The following CENPP variants were observed in gnomAD, a reference collection of about 807,000 sequenced individuals.
The protein encoded by CENPP is centromere protein P.
Under a neutral mutation model 35.6 loss-of-function variants are expected in CENPP, and 24 were observed. That is an observed-to-expected ratio of 0.67 (90% CI 0.49 to 0.95). The LOEUF is 0.95. Ranked by LOEUF, CENPP falls within the 40% of genes least tolerant of loss-of-function variation. The probability of loss-of-function intolerance (pLI) is 0.00; values close to 1 mark genes in which losing one functional copy is unlikely to be tolerated. For synonymous variants in CENPP, 120 were observed against 125.5 expected (o/e 0.96, Z 0.29); for missense variants, 332 against 345.3 (o/e 0.96, Z 0.31).
intron 4 of CENPP, among the ~76,000 whole-genome samples, chr9:92,357,494 T>A (rs146668722): frequency 1.0e-5 from 1 of 99,260 alleles, no homozygotes; most frequent in South Asian, 3.5e-4. Flanking sequence ...TTATTATTAT[T>A]ATTATTATTA....
At chr9:92,471,201 T>C (rs551335108) in intron 5 of CENPP, among the ~76,000 whole-genome samples, 7 of 137,434 alleles carry the variant, frequency 5.1e-5, no homozygotes, top group African/African-American at 1.5e-4. Flanking sequence ...TTTTCTTTCT[T>C]TTTTTTTTTT....
chr9:92,349,408 T>A (rs61217521), intron 4 of CENPP, among the ~76,000 whole-genome samples: 4,646 of 151,332 alleles, frequency 0.031, 246 homozygotes, highest in African/African-American at 0.1. Flanking sequence ...CTTTTTTTTT[T>A]ATTTTTTTTT....
At chr9:92,449,398 A>ACTGCACTCC (rs1052764498) in intron 5 of CENPP, among the ~76,000 whole-genome samples, 23 of 126,180 alleles carry the variant, frequency 1.8e-4, no homozygotes, top group Non-Finnish European at 3.2e-4. Context: ...AGATTGCACC[A>ACTGCACTCC]CTGCACTCCA....
chr9:92,595,295 G>A (rs1850752368), intron 5 of CENPP, among the ~76,000 whole-genome samples: 1 of 152,280 alleles, frequency 6.6e-6, no homozygotes, highest in South Asian at 2.1e-4. Flanking sequence ...AGGCTAGAGT[G>A]CATTGGCACA....
At chr9:92,533,580 CT>C (rs1390528889) in intron 5 of CENPP, among the ~76,000 whole-genome samples, 1 of 151,684 alleles carries the variant, frequency 6.6e-6, no homozygotes, top group African/African-American at 2.4e-5. Context: ...TTTTCTCACC[CT>C]TTCTAGTTAT....
chr9:92,331,986 G>GT (rs1469311949), intron 1 of CENPP, among the ~76,000 whole-genome samples, 184 bp from the exon 2 acceptor site: 8 of 152,098 alleles, frequency 5.3e-5, no homozygotes, highest in African/African-American at 1.2e-4. Context: ...GGTGGTGTTA[G>GT]TAACCACACT....
chr9:92,504,345 C>T (rs1319262188), intron 5 of CENPP, among the ~76,000 whole-genome samples: 1 of 152,196 alleles, frequency 6.6e-6, no homozygotes, highest in Non-Finnish European at 1.5e-5. Flanking sequence ...ATGACAGCCA[C>T]ATAAGATCAC....
At chr9:92,473,728 T>G (rs77051528) in intron 5 of CENPP, among the ~76,000 whole-genome samples, 218 of 152,314 alleles carry the variant, frequency 1.4e-3, no homozygotes, top group African/African-American at 4.8e-3. Flanking sequence ...TAGTCTCCCC[T>G]TTTTCTGAAT....
chr9:92,339,685 G>A (rs918877477), intron 3 of CENPP: 11 of 153,302 alleles, frequency 7.2e-5, no homozygotes, highest in African/African-American at 2.4e-4. Context: ...TTCCCATATG[G>A]GCAGCAGGCC....
rs1851535709 is a variant in CENPP, at chr9:92,618,972, G to A, written c.*5823G>A. On this transcript the variant is annotated 3_prime_UTR_variant, in exon 8 of 8. Transcript: ENST00000375587. ...CATCCCGAATTCCCAGAAACAGAGGGGACTGGACAAAACTAGTGACATTAG... is the reference window on the plus strand; with the variant it reads ...CATCCCGAATTCCCAGAAACAGAGGAGACTGGACAAAACTAGTGACATTAG... 3.7e-6 allele frequency: 1 copy of A among 272,132 alleles called. No homozygotes were observed. The allele number at this position is 272,132 out of a possible 1,614,324, so 16.9% of individuals were successfully genotyped here. A position where few individuals can be genotyped will look rare whatever the true frequency, so the allele number is the denominator to read the frequency against.
chr9:92,404,845 A>G, intron 5 of CENPP: 1 of 257,814 alleles, frequency 3.9e-6, no homozygotes, highest in Non-Finnish European at 6.8e-6. Context: ...ATGAAAAATG[A>G]TATAGTTTTA....
At chr9:92,520,750 T>C (rs921169703) in intron 5 of CENPP, among the ~76,000 whole-genome samples, 6 of 152,190 alleles carry the variant, frequency 3.9e-5, no homozygotes, top group African/African-American at 1.4e-4. Flanking sequence ...AAATATGGTA[T>C]AGCCATACAA....
chr9:92,385,768 G>T, intron 5 of CENPP: 1 of 1,613,994 alleles, frequency 6.2e-7, no homozygotes, highest in East Asian at 2.2e-5. Flanking sequence ...TGTGTCATCT[G>T]TAATTGAAGC....
chr9:92,412,073 G>T (rs1185759014), intron 5 of CENPP, among the ~76,000 whole-genome samples: 6 of 151,996 alleles, frequency 3.9e-5, no homozygotes, highest in Admixed American at 6.6e-5. Flanking sequence ...TTTAATTAAT[G>T]AATTAATTAA....
At chr9:92,600,628 C>T in intron 5 of CENPP, 1 of 1,507,042 alleles carries the variant, frequency 6.6e-7, no homozygotes, top group Non-Finnish European at 8.9e-7. Flanking sequence ...CAAGTCATGC[C>T]CTGGTCGGCC....
At chr9:92,345,175 C>G (rs1841253424) in intron 3 of CENPP, among the ~76,000 whole-genome samples, 2 of 151,844 alleles carry the variant, frequency 1.3e-5, no homozygotes, top group African/African-American at 4.8e-5. Context: ...ATGGCGTGAA[C>G]CCGGGAGGCG....
At chr9:92,391,630 A>C (rs975787961) in intron 5 of CENPP, among the ~76,000 whole-genome samples, 1 of 152,064 alleles carries the variant, frequency 6.6e-6, no homozygotes, top group African/African-American at 2.4e-5. Context: ...AACAAAAATC[A>C]ATAAACAGCA....
chr9:92,384,681 G>A (rs543014116), intron 5 of CENPP: 1 of 152,122 alleles, frequency 6.6e-6, no homozygotes, highest in Admixed American at 6.5e-5. Context: ...GAACATGGAT[G>A]TGTATGGGTG....
intron 5 of CENPP, among the ~76,000 whole-genome samples, chr9:92,521,998 G>T (rs1332616053): frequency 6.6e-6 from 1 of 152,196 alleles, no homozygotes; most frequent in Non-Finnish European, 1.5e-5. Context: ...AAATATAGTG[G>T]TAGGATAAGT....
Sources: gnomAD v4.1 joint callset for allele counts (sites outside exome capture counted in the v4.1 genomes callset) on GRCh38, gnomAD v4.1.1 for gene constraint, MANE v1.5 for transcripts, NCBI Gene and HGNC (gene_info 2026-07-23, HGNC 2026-07-21) for gene names.